The following URI1 variants were observed in gnomAD, a reference collection of about 807,000 sequenced individuals.
URI1 encodes the protein URI1 prefoldin like chaperone.
URI1 carries 39 observed loss-of-function variants against 60.2 expected under a neutral mutation model. The ratio of observed to expected loss-of-function variants is 0.65; its 90% CI spans 0.50 to 0.85. URI1 has a LOEUF of 0.85. Ranked by LOEUF, URI1 falls within the 40% of genes least tolerant of loss-of-function variation. The pLI is 0.00. For missense variants in URI1, 691 were observed against 665.9 expected (o/e 1.04, Z -0.42); for synonymous variants, 251 against 236.8 (o/e 1.06, Z -0.55).
Position 30,009,216 on chromosome 19 carries a change from GA to G in URI1, c.899del (p.Asp300ValfsTer26), listed in dbSNP as rs770069266. The G allele has an allele frequency of 9.3e-6, 9 of 965,636 alleles. No individual in the cohort carries two copies. Among genetic ancestry groups the G allele is most frequent in the East Asian group, 3.9e-5 (1 of 25,546 alleles). 59.8% of individuals were successfully genotyped at this position (965,636 alleles called of 1,614,324 possible). A position where few individuals can be genotyped will look rare whatever the true frequency, so the allele number is the denominator to read the frequency against. On this transcript the variant is annotated frameshift_variant, in exon 8 of 11. Coordinates refer to ENST00000392271, the MANE Select transcript of URI1 (RefSeq NM_003796.3). LOFTEE classifies it high-confidence loss of function. ...VNGSSSYHSD[D>X]DDDDDDDDDD... ...TGGTTCCAGTTCTTACCACAGTGATGATGATGATGATGATGATGATGACGAC... is the reference window on the plus strand; with the variant it reads ...TGGTTCCAGTTCTTACCACAGTGATGTGATGATGATGATGATGATGACGAC...
chr19:29,930,431 A>G (rs797016681), intron 1 of URI1, among the ~76,000 whole-genome samples: 1 of 151,642 alleles, frequency 6.6e-6, no homozygotes, highest in African/African-American at 2.4e-5. Flanking sequence ...ATCTTGAGTT[A>G]ATTTTTATTC....
intron 4 of URI1, among the ~76,000 whole-genome samples, chr19:29,987,388 A>G (rs1290042723): frequency 6.6e-6 from 1 of 152,204 alleles, no homozygotes; most frequent in Non-Finnish European, 1.5e-5. Flanking sequence ...TCTAATTGCA[A>G]ATCAACTCCT....
chr19:29,926,144 T>C (rs1296961574), intron 1 of URI1, among the ~76,000 whole-genome samples: 1 of 152,020 alleles, frequency 6.6e-6, no homozygotes, highest in Admixed American at 6.6e-5. Flanking sequence ...ACAGGTGGTG[T>C]TGGTTACATG....
intron 8 of URI1, 31 bp from the exon 9 acceptor site, chr19:30,011,063 A>G (rs757150758): frequency 4.0e-5 from 64 of 1,591,418 alleles, no homozygotes; most frequent in Non-Finnish European, 4.9e-5. Context: ...ATTTGTCAAA[A>G]GATTCTTAAT....
At chr19:29,935,482 G>A (rs1020653941) in intron 1 of URI1, among the ~76,000 whole-genome samples, 2 of 152,160 alleles carry the variant, frequency 1.3e-5, no homozygotes, top group East Asian at 3.9e-4. Flanking sequence ...GATGTATGTA[G>A]TTACTATTTT....
intron 1 of URI1, among the ~76,000 whole-genome samples, chr19:29,967,042 G>A (rs1409430835): frequency 1.3e-5 from 2 of 152,168 alleles, no homozygotes; most frequent in African/African-American, 4.8e-5. Flanking sequence ...ATAGGTTTAT[G>A]CCCTCTTGTG....
At chr19:29,936,866 C>CCTCAG (rs1342302271) in intron 1 of URI1, among the ~76,000 whole-genome samples, 4 of 152,150 alleles carry the variant, frequency 2.6e-5, no homozygotes, top group Non-Finnish European at 4.4e-5. Flanking sequence ...GATTCTCTGG[C>CCTCAG]CTCAGCCTCC....
intron 4 of URI1, among the ~76,000 whole-genome samples, chr19:29,987,130 A>G (rs1470795608): frequency 1.3e-5 from 2 of 152,218 alleles, no homozygotes; most frequent in Admixed American, 6.5e-5. Flanking sequence ...GGTTCAGTTT[A>G]TAATCTGTTG....
chr19:29,978,466 T>C (rs1439828374), intron 2 of URI1, among the ~76,000 whole-genome samples: 1 of 152,154 alleles, frequency 6.6e-6, no homozygotes, highest in Non-Finnish European at 1.5e-5. Flanking sequence ...GTTTGAAAAC[T>C]GTACTTCTTT....
At chr19:29,973,328 G>C (rs1472272277) in intron 2 of URI1, among the ~76,000 whole-genome samples, 1 of 152,122 alleles carries the variant, frequency 6.6e-6, no homozygotes, top group Non-Finnish European at 1.5e-5. Flanking sequence ...GCAACTACAG[G>C]AGTTCAGAGG....
intron 1 of URI1, among the ~76,000 whole-genome samples, chr19:29,948,895 T>G (rs555859861): frequency 7.9e-5 from 12 of 152,210 alleles, no homozygotes; most frequent in African/African-American, 2.9e-4. Context: ...GAGGGAGTCC[T>G]CACTTCCCAG....
chr19:30,005,139 T>C (rs931220258), intron 4 of URI1, among the ~76,000 whole-genome samples: 1 of 151,972 alleles, frequency 6.6e-6, no homozygotes. Flanking sequence ...AGAGAGAAAA[T>C]ATGTTAGACA....
At chr19:29,971,031 TA>T (rs2055453160) in intron 1 of URI1, 161 bp from the exon 2 acceptor site, 1 of 665,330 alleles carries the variant, frequency 1.5e-6, no homozygotes, top group African/African-American at 1.8e-5. Flanking sequence ...GTGTGCTGCT[TA>T]AAAACTAACG....
intron 4 of URI1, among the ~76,000 whole-genome samples, chr19:29,987,984 G>A (rs995971400): frequency 3.3e-5 from 5 of 151,402 alleles, no homozygotes; most frequent in Non-Finnish European, 5.9e-5. Flanking sequence ...CCCGACCAAC[G>A]TGGTAAAACC....
intron 1 of URI1, among the ~76,000 whole-genome samples, chr19:29,967,188 G>A (rs1347502555): frequency 6.6e-6 from 1 of 152,148 alleles, no homozygotes; most frequent in Non-Finnish European, 1.5e-5. Context: ...TATTATTCCT[G>A]TCTTCCATAT....
chr19:29,956,909 A>G (rs1191643775), intron 1 of URI1: 5 of 1,166,078 alleles, frequency 4.3e-6, no homozygotes, highest in African/African-American at 3.0e-5. Context: ...GGGGCCCTTT[A>G]TGATAACTGT....
chr19:29,927,955 G>C (rs2080887), intron 1 of URI1, among the ~76,000 whole-genome samples: 1 of 151,374 alleles, frequency 6.6e-6, no homozygotes, highest in Non-Finnish European at 1.5e-5. Flanking sequence ...GATACTACAC[G>C]ACACTCCAGG....
At position 30,005,661 on chromosome 19, in the gene URI1, A is replaced by G; in HGVS notation, c.470A>G (p.Asp157Gly). 6.2e-7 allele frequency: 1 copy of G among 1,611,350 alleles called. No homozygotes were observed. Among genetic ancestry groups the G allele is most frequent in the Non-Finnish European group, 8.5e-7 (1 of 1,178,912 alleles). ...TTGTTTAAAAACCAGGCTGCAGGTG[A>G]TATTGTTGACATACGAGAAGAAATT... The part of the protein sequence containing the change: ...DLQKMSDAAG[D>G]IVDIREEIKC... The change falls in exon 6 of 11, where the codon GAT becomes GGT. Residue 157 changes from aspartate to glycine, a missense_variant. Coordinates refer to ENST00000392271, the MANE Select transcript of URI1 (RefSeq NM_003796.3).
intron 1 of URI1, among the ~76,000 whole-genome samples, chr19:29,970,388 T>C (rs2055444524): frequency 6.6e-6 from 1 of 152,004 alleles, no homozygotes; most frequent in Admixed American, 6.6e-5. Flanking sequence ...AGTAGATAAT[T>C]AGCAATCCTT....
Sources: gnomAD v4.1 joint callset for allele counts (sites outside exome capture counted in the v4.1 genomes callset) on GRCh38, gnomAD v4.1.1 for gene constraint, MANE v1.5 for transcripts, NCBI Gene and HGNC (gene_info 2026-07-23, HGNC 2026-07-21) for gene names.